STARD6: variants seen among roughly 807,000 people sequenced by gnomAD.
The protein encoded by STARD6 is stAR-related lipid transfer protein 6.
In STARD6, 21 loss-of-function variants were observed where a neutral mutation model predicts 22.3. That is an observed-to-expected ratio of 0.94 (90% CI 0.67 to 1.35). The LOEUF is 1.35. STARD6 is among the 40% of genes most tolerant of loss of function. The pLI is 0.00. For synonymous variants in STARD6, 80 were observed against 88.1 expected (o/e 0.91, Z 0.52); for missense variants, 269 against 266.9 (o/e 1.01, Z -0.05).
intron 7 of STARD6, among the ~76,000 whole-genome samples, chr18:54,327,581 G>A (rs1326653940): frequency 6.6e-6 from 1 of 152,114 alleles, no homozygotes; most frequent in Non-Finnish European, 1.5e-5. Flanking sequence ...CGTTTATAAG[G>A]ATGGTATAAC....
intron 4 of STARD6, among the ~76,000 whole-genome samples, chr18:54,353,449 G>A (rs1289893200): frequency 1.3e-5 from 2 of 152,146 alleles, no homozygotes; most frequent in Non-Finnish European, 2.9e-5. Context: ...CAGGCAGATC[G>A]CTTGGGCTCA....
chr18:54,347,726 A>AAT (rs970518004), intron 4 of STARD6, among the ~76,000 whole-genome samples: 1 of 151,882 alleles, frequency 6.6e-6, no homozygotes, highest in Non-Finnish European at 1.5e-5. Flanking sequence ...TGTTCCTCCA[A>AAT]ATATATCTAC....
chr18:54,337,383 C>A (rs1241624015), intron 4 of STARD6, 132 bp from the exon 5 acceptor site: 5 of 674,456 alleles, frequency 7.4e-6, no homozygotes, highest in Non-Finnish European at 4.7e-6. Flanking sequence ...GTACTATCAG[C>A]AATTCAATAT....
At chr18:54,331,280 G>T (rs1470320765) in intron 6 of STARD6, among the ~76,000 whole-genome samples, 1 of 151,986 alleles carries the variant, frequency 6.6e-6, no homozygotes, top group Non-Finnish European at 1.5e-5. Context: ...ATTTGGGAGT[G>T]GGGATAGGGA....
intron 7 of STARD6, among the ~76,000 whole-genome samples, chr18:54,326,481 G>A (rs2088826520): frequency 6.6e-6 from 1 of 151,632 alleles, no homozygotes; most frequent in South Asian, 2.1e-4. Flanking sequence ...ACAGGCCTGT[G>A]CCACCATGCC....
chr18:54,355,268 A>ATACTGTTTCATAGGTATCTTTGCT (rs1265571804), intron 2 of STARD6, among the ~76,000 whole-genome samples: 2 of 152,144 alleles, frequency 1.3e-5, no homozygotes, highest in Non-Finnish European at 2.9e-5. Context: ...ATGTGTTCAT[A>ATACTGTTTCATAGGTATCTTTGCT]TAACTGACTG....
intron 7 of STARD6, among the ~76,000 whole-genome samples, chr18:54,326,196 A>G (rs2088823235): frequency 6.6e-6 from 1 of 152,146 alleles, no homozygotes; most frequent in Non-Finnish European, 1.5e-5. Flanking sequence ...ACCTTGGTAT[A>G]TAAAAATCTT....
At chr18:54,331,044 TA>T (rs764857231) in intron 6 of STARD6, among the ~76,000 whole-genome samples, 3 of 151,972 alleles carry the variant, frequency 2.0e-5, no homozygotes, top group Admixed American at 6.6e-5. Flanking sequence ...TGTTGGGAAA[TA>T]ATAATTAACG....
intron 4 of STARD6, among the ~76,000 whole-genome samples, chr18:54,339,587 G>C (rs535477417): frequency 2.4e-4 from 37 of 151,772 alleles, no homozygotes; most frequent in Middle Eastern, 3.4e-3. Context: ...TTGAAGAGCT[G>C]AAGAAAAAAA....
chr18:54,354,098 CT>C lies in STARD6; in HGVS notation c.95del (p.Lys32ArgfsTer2). 6.4e-7 allele frequency: 1 copy of C among 1,558,382 alleles called. No individual in the cohort carries two copies. The highest frequency in any genetic ancestry group is 1.8e-5 in the Admixed American group (1 of 55,044). ...SGWKVVKTSK[K>X]ITVSSKASRK... ...TAGAAGCCTTACTGGAAACAGTTAT[CT>C]TTTTCTCAAAGGGGAATAAAAATCC... On this transcript the variant is annotated frameshift_variant, in exon 4 of 8. Coordinates refer to ENST00000307844, the MANE Select transcript of STARD6 (RefSeq NM_139171.2).
rs796391910 is a variant in STARD6 at position 54,325,554 on chromosome 18, C to CT, written c.480-680dup. Among the ~76,000 whole-genome samples the CT allele has an allele frequency of 5.9e-3, 850 of 144,992 alleles. 4 individuals are homozygous for CT. The highest frequency in any genetic ancestry group is 1.0e-2 in the Non-Finnish European group (656 of 65,726). On this transcript the variant is annotated intron_variant, in intron 7 of 7. Transcript: ENST00000307844. ...TATCTTTGTAATGTATCCATTTATG[C>CT]TTTTTTTTTTTGAGACAGGGTCTTA...
intron 4 of STARD6, among the ~76,000 whole-genome samples, chr18:54,342,742 C>T (rs1405695945): frequency 4.1e-5 from 3 of 72,368 alleles, no homozygotes; most frequent in African/African-American, 2.5e-4. Context: ...GGATTGCAGA[C>T]GGAGTCTCGT....
intron 5 of STARD6, among the ~76,000 whole-genome samples, chr18:54,334,747 C>G (rs1178521851): frequency 6.6e-6 from 1 of 152,036 alleles, no homozygotes; most frequent in Admixed American, 6.6e-5. Flanking sequence ...TGGTTATTGC[C>G]TATACTATTA....
chr18:54,347,739 A>G (rs761678572), intron 4 of STARD6, among the ~76,000 whole-genome samples: 16 of 152,240 alleles, frequency 1.1e-4, no homozygotes, highest in South Asian at 6.2e-4. Context: ...ATATCTACAC[A>G]TTATGTAGAA....
At chr18:54,335,304 C>T (rs183662017) in intron 5 of STARD6, among the ~76,000 whole-genome samples, 1 of 152,040 alleles carries the variant, frequency 6.6e-6, no homozygotes, top group Non-Finnish European at 1.5e-5. Flanking sequence ...AAGTGATTCT[C>T]CTGCCTCAGC....
chr18:54,343,576 C>G (rs1426401723), intron 4 of STARD6, among the ~76,000 whole-genome samples: 2 of 47,272 alleles, frequency 4.2e-5, no homozygotes. Flanking sequence ...GGCCAGCCGC[C>G]CCGTCTGGGA....
At chr18:54,348,675 A>G (rs957399345) in intron 4 of STARD6, among the ~76,000 whole-genome samples, 4 of 152,194 alleles carry the variant, frequency 2.6e-5, no homozygotes, top group Admixed American at 6.5e-5. Flanking sequence ...GGTGCCTGAC[A>G]TATAGTAGGA....
At chr18:54,351,898 C>CTT (rs1568174614) in intron 4 of STARD6, among the ~76,000 whole-genome samples, 29 of 61,550 alleles carry the variant, frequency 4.7e-4, no homozygotes, top group African/African-American at 2.9e-3. Context: ...GATATTGGTC[C>CTT]GTTTTTTTTT....
chr18:54,326,511 T>C (rs1490908672), intron 7 of STARD6, among the ~76,000 whole-genome samples: 2 of 151,680 alleles, frequency 1.3e-5, no homozygotes, highest in Non-Finnish European at 2.9e-5. Flanking sequence ...TTTGTATTTT[T>C]GGTAGAGATG....
Sources: gnomAD v4.1 joint callset for allele counts (sites outside exome capture counted in the v4.1 genomes callset) on GRCh38, gnomAD v4.1.1 for gene constraint, MANE v1.5 for transcripts, NCBI Gene and HGNC (gene_info 2026-07-23, HGNC 2026-07-21) for gene names.